OSBPL9: variants seen among roughly 807,000 people sequenced by gnomAD.
OSBPL9 encodes the protein oxysterol-binding protein-related protein 9.
In OSBPL9, 40 loss-of-function variants were observed where a neutral mutation model predicts 106.6. The ratio of observed to expected loss-of-function variants is 0.38; its 90% CI spans 0.29 to 0.49. OSBPL9 has a LOEUF of 0.49. OSBPL9 is among the 20% of genes least tolerant of loss of function. The probability of loss-of-function intolerance (pLI) is 0.97; values close to 1 mark genes in which losing one functional copy is unlikely to be tolerated. For synonymous variants in OSBPL9, 269 were observed against 295.4 expected (o/e 0.91, Z 0.92); for missense variants, 609 against 887.2 (o/e 0.69, Z 3.98).
intron 3 of OSBPL9, among the ~76,000 whole-genome samples, chr1:51,711,239 G>T (rs942081428): frequency 3.3e-5 from 5 of 151,100 alleles, no homozygotes; most frequent in African/African-American, 1.2e-4. Context: ...CCCAGACGGG[G>T]TGGTGGCCGG....
chr1:51,761,392 G>GC (rs1226018976), intron 10 of OSBPL9, among the ~76,000 whole-genome samples: 11 of 151,986 alleles, frequency 7.2e-5, no homozygotes, highest in African/African-American at 2.7e-4. Context: ...GTTCTCGATG[G>GC]CATAGTGAAG....
chr1:51,629,333 A>G (rs1385453017), intron 1 of OSBPL9, among the ~76,000 whole-genome samples: 14 of 152,138 alleles, frequency 9.2e-5, no homozygotes, highest in Non-Finnish European at 1.9e-4. Flanking sequence ...TCATCATTTT[A>G]TCTCCAGCAT....
At chr1:51,544,278 T>G in the OSBPL9 span, among the ~76,000 whole-genome samples, 1 of 152,176 alleles carries the variant, frequency 6.6e-6, no homozygotes, top group East Asian at 1.9e-4. Context: ...GAAGGATTAC[T>G]TGAACCAGGA....
At chr1:51,546,692 G>A in the OSBPL9 span, among the ~76,000 whole-genome samples, 1 of 146,970 alleles carries the variant, frequency 6.8e-6, no homozygotes, top group African/African-American at 2.5e-5. Flanking sequence ...GCCAGACTCT[G>A]TCTCAAAAAA....
the OSBPL9 span, among the ~76,000 whole-genome samples, chr1:51,564,838 A>G: frequency 6.6e-6 from 1 of 151,800 alleles, no homozygotes; most frequent in African/African-American, 2.4e-5. Flanking sequence ...CAGCCTCTCT[A>G]CTCTCCCCAA....
chr1:51,739,148 A>T (rs2148975576), intron 4 of OSBPL9, among the ~76,000 whole-genome samples: 1 of 152,184 alleles, frequency 6.6e-6, no homozygotes, highest in African/African-American at 2.4e-5. Flanking sequence ...TTTTTAGATT[A>T]CATTTTAGTG....
chr1:51,573,737 C>G (rs1019553381), upstream of OSBPL9, among the ~76,000 whole-genome samples: 1 of 150,960 alleles, frequency 6.6e-6, no homozygotes, highest in Non-Finnish European at 1.5e-5. Context: ...TCGCTTGAAC[C>G]CGGGAGGCGG....
intron 1 of OSBPL9, among the ~76,000 whole-genome samples, chr1:51,597,697 T>C (rs548875822): frequency 2.6e-5 from 4 of 151,802 alleles, no homozygotes; most frequent in Non-Finnish European, 5.9e-5. Flanking sequence ...GCCCTGAGAG[T>C]TGGGCAGAGA....
intron 4 of OSBPL9, chr1:51,740,063 C>T: frequency 1.3e-6 from 2 of 1,524,026 alleles, no homozygotes; most frequent in Non-Finnish European, 1.8e-6. Context: ...TTTTCTCTTA[C>T]TATTCCTTTA....
intron 11 of OSBPL9, among the ~76,000 whole-genome samples, chr1:51,765,065 G>T (rs532067013): frequency 1.3e-5 from 2 of 152,154 alleles, no homozygotes; most frequent in Admixed American, 1.3e-4. Context: ...TCCATTTGTC[G>T]ATTGGTTTGA....
chr1:51,546,627 G>A, the OSBPL9 span, among the ~76,000 whole-genome samples: 30 of 151,752 alleles, frequency 2.0e-4, no homozygotes, highest in Non-Finnish European at 3.8e-4. Context: ...AACCCGGGAG[G>A]CGGAGCTTGC....
At chr1:51,659,791 A>C (rs1221050647) in intron 2 of OSBPL9, among the ~76,000 whole-genome samples, 5 of 152,146 alleles carry the variant, frequency 3.3e-5, no homozygotes, top group African/African-American at 1.2e-4. Flanking sequence ...TAATTTCTCA[A>C]AAAAGCATAA....
At chr1:51,692,916 C>T (rs2148830414) in intron 3 of OSBPL9, among the ~76,000 whole-genome samples, 1 of 152,196 alleles carries the variant, frequency 6.6e-6, no homozygotes, top group Non-Finnish European at 1.5e-5. Context: ...AAAGATAGTG[C>T]AGGATAATGG....
intron 1 of OSBPL9, 83 bp from the exon 2 acceptor site, chr1:51,651,908 G>A (rs1443285291): frequency 2.7e-6 from 3 of 1,094,580 alleles, no homozygotes; most frequent in African/African-American, 1.6e-5. Flanking sequence ...TGTAAATCTT[G>A]TCCTTTTATC....
At chr1:51,540,452 C>T in the OSBPL9 span, among the ~76,000 whole-genome samples, 70 of 151,576 alleles carry the variant, frequency 4.6e-4, no homozygotes, top group African/African-American at 1.6e-3. Flanking sequence ...GTCAAGAGAG[C>T]AAGACCATCC....
chr1:51,753,225 G>A (rs1174032023), intron 8 of OSBPL9, among the ~76,000 whole-genome samples: 1 of 152,128 alleles, frequency 6.6e-6, no homozygotes, highest in African/African-American at 2.4e-5. Flanking sequence ...GTCTTAAAGA[G>A]CGTGGATTAT....
chr1:51,647,169 CTT>C (rs1491403377), intron 1 of OSBPL9, among the ~76,000 whole-genome samples: 3 of 151,946 alleles, frequency 2.0e-5, no homozygotes, highest in Non-Finnish European at 4.4e-5. Context: ...TTTTCTGTGT[CTT>C]TTGAGATGAT....
At chr1:51,600,893 C>T (rs1277188444) in intron 2 of OSBPL9, among the ~76,000 whole-genome samples, 2 of 152,126 alleles carry the variant, frequency 1.3e-5, no homozygotes, top group African/African-American at 4.8e-5. Context: ...GTTCACGAGA[C>T]CTCCCAGGGA....
At chr1:51,518,656 C>T in the OSBPL9 span, among the ~76,000 whole-genome samples, 4 of 152,126 alleles carry the variant, frequency 2.6e-5, no homozygotes, top group South Asian at 8.3e-4. Context: ...TTCCGTCGGA[C>T]CCTGGGAGAA....
Sources: allele counts gnomAD v4.1 joint callset (sites outside exome capture counted in the v4.1 genomes callset), GRCh38; gene constraint gnomAD v4.1.1; transcripts MANE v1.5; gene names NCBI Gene and HGNC (gene_info 2026-07-23, HGNC 2026-07-21).